The following FSTL4 variants were observed in gnomAD, a reference collection of about 807,000 sequenced individuals.
FSTL4 encodes the protein follistatin-related protein 4.
FSTL4 carries 28 observed loss-of-function variants against 78.2 expected under a neutral mutation model. The ratio of observed to expected loss-of-function variants is 0.36; its 90% CI spans 0.27 to 0.49. FSTL4 has a LOEUF of 0.49. FSTL4 is among the 20% of genes least tolerant of loss of function. FSTL4 has a pLI of 0.98. For synonymous variants in FSTL4, 422 were observed against 440.5 expected (o/e 0.96, Z 0.53); for missense variants, 922 against 1,084.9 (o/e 0.85, Z 2.11).
At chr5:133,301,629 G>T (rs1190805674) in intron 6 of FSTL4, among the ~76,000 whole-genome samples, 1 of 152,136 alleles carries the variant, frequency 6.6e-6, no homozygotes, top group Non-Finnish European at 1.5e-5. Flanking sequence ...GATGCGTTTT[G>T]CAGTCCCAAC....
chr5:133,664,632 C>A, the FSTL4 span, among the ~76,000 whole-genome samples: 2 of 152,238 alleles, frequency 1.3e-5, no homozygotes, highest in Non-Finnish European at 2.9e-5. Context: ...CTGGCCCAGA[C>A]TCTCCAATGA....
At position 133,361,219 on chromosome 5, in the gene FSTL4, C is replaced by A. The variant is rs959894488; in HGVS notation, c.409+39519G>T. Among the ~76,000 whole-genome samples, 3 of 152,188 alleles carry A rather than the reference C, an allele frequency of 2.0e-5. No individual in the cohort carries two copies. Among genetic ancestry groups the A allele is most frequent in the Admixed American group, 6.5e-5 (1 of 15,282 alleles). ...AAGGAGGGGTCGCATTCCGACCCTGCAGTGCTGGCTTCTTTCCAGAGCTTT... is the reference window on the plus strand; with the variant it reads ...AAGGAGGGGTCGCATTCCGACCCTGAAGTGCTGGCTTCTTTCCAGAGCTTT... On this transcript the variant is annotated intron_variant, in intron 4 of 15. Transcript: ENST00000265342. The surrounding 1 kb of genome is among the most constrained non-coding windows in gnomAD (Gnocchi z 4.3).
intron 4 of FSTL4, among the ~76,000 whole-genome samples, chr5:133,376,184 G>A (rs1466976534): frequency 1.3e-5 from 2 of 152,202 alleles, no homozygotes; most frequent in East Asian, 3.8e-4. Flanking sequence ...ACTATATAAA[G>A]CTTTTATAAT....
intron 5 of FSTL4, 32 bp from the exon 6 acceptor site, chr5:133,312,809 T>C: frequency 6.2e-7 from 1 of 1,612,642 alleles, no homozygotes; most frequent in Non-Finnish European, 8.5e-7. Context: ...AAGGCCAGAA[T>C]CAGATGAGTT....
chr5:133,442,070 C>A (rs1341766937), intron 3 of FSTL4, among the ~76,000 whole-genome samples: 1 of 152,196 alleles, frequency 6.6e-6, no homozygotes, highest in East Asian at 1.9e-4. Context: ...CTCAGACATG[C>A]AGGTCAGAGG....
At chr5:133,666,020 G>A in the FSTL4 span, among the ~76,000 whole-genome samples, 5 of 151,582 alleles carry the variant, frequency 3.3e-5, no homozygotes, top group African/African-American at 4.9e-5. Context: ...GCTTAACCCC[G>A]ATTAAAGTCC....
intron 4 of FSTL4, among the ~76,000 whole-genome samples, chr5:133,395,693 C>T (rs1375962808): frequency 6.6e-6 from 1 of 151,880 alleles, no homozygotes; most frequent in Non-Finnish European, 1.5e-5. Flanking sequence ...ACTTGCTCTT[C>T]CCGGAGACTG....
chr5:133,799,276 G>C, the FSTL4 span, among the ~76,000 whole-genome samples: 1 of 137,438 alleles, frequency 7.3e-6, no homozygotes, highest in African/African-American at 2.7e-5. Flanking sequence ...TCAACACCAG[G>C]GGTGAGCCAT....
At chr5:133,208,756 A>C (rs1750608149) in intron 14 of FSTL4, among the ~76,000 whole-genome samples, 1 of 152,150 alleles carries the variant, frequency 6.6e-6, no homozygotes, top group African/African-American at 2.4e-5. Context: ...GGCTCACTAC[A>C]ACCTCTGCCT....
At chr5:133,473,113 G>A (rs1292091454) in intron 3 of FSTL4, among the ~76,000 whole-genome samples, 1 of 152,116 alleles carries the variant, frequency 6.6e-6, no homozygotes, top group East Asian at 1.9e-4. Flanking sequence ...TCCCAGTAGG[G>A]GCAGCTGTTG....
intron 3 of FSTL4, among the ~76,000 whole-genome samples, chr5:133,434,232 A>G (rs1580706054): frequency 6.6e-6 from 1 of 152,112 alleles, no homozygotes; most frequent in East Asian, 1.9e-4. Flanking sequence ...AGTTGATAAG[A>G]CTTGGTTTGA....
At chr5:133,727,534 T>A in the FSTL4 span, among the ~76,000 whole-genome samples, 1 of 152,100 alleles carries the variant, frequency 6.6e-6, no homozygotes, top group Non-Finnish European at 1.5e-5. Flanking sequence ...AATTGATCAA[T>A]AATTTCTCCA....
chr5:133,540,257 ACACACACG>A (rs946241369), intron 3 of FSTL4, among the ~76,000 whole-genome samples: 5 of 123,476 alleles, frequency 4.0e-5, no homozygotes, highest in African/African-American at 6.7e-5. Context: ...ACACACACAC[ACACACACG>A]CACTCATTCA....
intron 1 of FSTL4, among the ~76,000 whole-genome samples, chr5:133,605,879 C>T (rs1325980314): frequency 6.6e-6 from 1 of 152,136 alleles, no homozygotes; most frequent in Non-Finnish European, 1.5e-5. Flanking sequence ...TCACCATCAG[C>T]ACCTGCCCCA....
the FSTL4 span, among the ~76,000 whole-genome samples, chr5:133,793,120 C>T: frequency 6.6e-6 from 1 of 152,206 alleles, no homozygotes; most frequent in Non-Finnish European, 1.5e-5. Flanking sequence ...AGAGCAGTGA[C>T]AACTGAGGCC....
intron 7 of FSTL4, among the ~76,000 whole-genome samples, chr5:133,239,018 C>T (rs548507362): frequency 5.3e-5 from 8 of 152,302 alleles, no homozygotes; most frequent in South Asian, 2.1e-4. Context: ...CGGGGCTGTG[C>T]GAGGGGCTTG....
chr5:133,693,847 A>G, the FSTL4 span, among the ~76,000 whole-genome samples: 52,352 of 151,998 alleles, frequency 0.34, 9,769 homozygotes, highest in African/African-American at 0.49. Flanking sequence ...ACTCCAAGGT[A>G]GTGGGGGGTT....
At chr5:133,818,691 C>T in the FSTL4 span, among the ~76,000 whole-genome samples, 1 of 151,442 alleles carries the variant, frequency 6.6e-6, no homozygotes, top group African/African-American at 2.4e-5. Context: ...CAAGCACTTT[C>T]CACCAATTTC....
intron 4 of FSTL4, among the ~76,000 whole-genome samples, chr5:133,355,398 C>T (rs779260872): frequency 2.0e-5 from 3 of 152,182 alleles, no homozygotes; most frequent in Non-Finnish European, 4.4e-5. Flanking sequence ...TGGCTCACGG[C>T]GGTAATCCCA....
Sources: allele counts gnomAD v4.1 joint callset (sites outside exome capture counted in the v4.1 genomes callset), GRCh38; gene constraint gnomAD v4.1.1; non-coding constraint Gnocchi (gnomAD v3.1); transcripts MANE v1.5; gene names NCBI Gene and HGNC (gene_info 2026-07-23, HGNC 2026-07-21).